CNNM3: variants seen among roughly 807,000 people sequenced by gnomAD.
CNNM3 encodes the protein metal transporter CNNM3.
A neutral mutation model predicts 57.1 loss-of-function variants in CNNM3; 47 were observed. The observed-to-expected ratio is 0.82, with a 90% confidence interval of 0.65 to 1.05. The LOEUF (loss-of-function observed/expected upper bound fraction) is 1.05. CNNM3 is among the 50% of genes least tolerant of loss of function. CNNM3 has a pLI of 0.00. For synonymous variants in CNNM3, 507 were observed against 478.2 expected, an observed-to-expected ratio of 1.06 and a Z score of -0.79; for missense variants, 957 against 973.7, an observed-to-expected ratio of 0.98 and a Z score of 0.23.
rs2079662985 is a variant in CNNM3 at position 96,834,721 on chromosome 2, T to A, written c.*2105T>A. On this transcript the variant is annotated 3_prime_UTR_variant, in exon 8 of 8. Transcript: ENST00000305510. Reference sequence around the variant, plus strand: ...AGCTTACATATAACCTTGGTACATTTATCAAAACTAAAGGTGCAATCATAC... The same window carrying A: ...AGCTTACATATAACCTTGGTACATTAATCAAAACTAAAGGTGCAATCATAC... 6.6e-6 allele frequency among the ~76,000 whole-genome samples: 1 copy of A among 152,216 alleles called. No individual in the cohort carries two copies. Among genetic ancestry groups the A allele is most frequent in the African/African-American group, 2.4e-5 (1 of 41,442 alleles).
Position 96,829,153 on chromosome 2 carries a change from A to T in CNNM3, c.2059+19A>T, listed in dbSNP as rs763886263. The T allele has an allele frequency of 1.2e-6, 2 of 1,612,980 alleles. No homozygotes were observed. Among genetic ancestry groups the T allele is most frequent in the African/African-American group, 2.7e-5 (2 of 74,852 alleles). On this transcript the variant is annotated intron_variant, in intron 7 of 7. Transcript: ENST00000305510. ...GCGGCAGGTGAGTGCCAAGTGGTACATCGTGCATGGTGTCTGGACCTGAGG... is the reference window on the plus strand; with the variant it reads ...GCGGCAGGTGAGTGCCAAGTGGTACTTCGTGCATGGTGTCTGGACCTGAGG...
In CNNM3 at chr2:96,835,198, C is replaced by T. The variant is rs571730347; in HGVS notation, c.*2582C>T. On this transcript the variant is annotated 3_prime_UTR_variant, in exon 8 of 8. Transcript: ENST00000305510. ...AATGGGAGCATAGTGTGTAAGCATT[C>T]GGGATTGTCTTTTTTCACTCGGCGT... 3.3e-5 allele frequency among the ~76,000 whole-genome samples: 5 copies of T among 152,234 alleles called. No individual in the cohort carries two copies. Among genetic ancestry groups the T allele is most frequent in the East Asian group, 1.9e-4 (1 of 5,184 alleles).
At chr2:96,827,589 G>A (rs2079530487) in intron 3 of CNNM3, 142 bp from the exon 4 acceptor site, 1 of 716,606 alleles carries the variant, frequency 1.4e-6, no homozygotes. Context: ...CTCTTGTGTT[G>A]AGGTGTTAGG....
chr2:96,825,772 G>GCTGGGCGTGGTGGTGCA (rs1330824750), intron 2 of CNNM3, among the ~76,000 whole-genome samples: 1 of 130,056 alleles, frequency 7.7e-6, no homozygotes, highest in African/African-American at 4.8e-5. Context: ...GTGGTGGTGC[G>GCTGGGCGTGGTGGTGCA]TGCCTGTAGT....
intron 3 of CNNM3, among the ~76,000 whole-genome samples, chr2:96,827,443 T>C (rs2079527026): frequency 6.6e-6 from 1 of 152,100 alleles, no homozygotes; most frequent in African/African-American, 2.4e-5. Flanking sequence ...AATTTTTGTA[T>C]TTTTAGTAGA....
chr2:96,833,118 A>G lies in CNNM3; in HGVS notation c.*502A>G, dbSNP rs2079633890. 6.1e-6 allele frequency: 5 copies of G among 824,632 alleles called. No individual in the cohort carries two copies. The highest frequency in any genetic ancestry group is 4.5e-5 in the South Asian group (3 of 66,208). The allele number at this position is 824,632 out of a possible 1,614,324, so 51.1% of individuals were successfully genotyped here. ...GGGGTTCAGATCGATGGCCTTGTCC[A>G]TGTTGTCCTTTCTGGCTTCCCTGAT... On this transcript the variant is annotated 3_prime_UTR_variant, in exon 8 of 8. Coordinates refer to ENST00000305510, the MANE Select transcript of CNNM3 (RefSeq NM_017623.5).
chr2:96,833,879 G>T lies in CNNM3; in HGVS notation c.*1263G>T, dbSNP rs1368609470. 1 of 152,208 alleles carries T rather than the reference G, an allele frequency of 6.6e-6. No individual in the cohort carries two copies. The highest frequency in any genetic ancestry group is 1.5e-5 in the Non-Finnish European group (1 of 68,054). The allele number at this position is 152,208 out of a possible 1,614,324, so 9.4% of individuals were successfully genotyped here. ...TAAACTCTGAGAGCAAGCCCGGGTT[G>T]GAAACAGATGCTTTAAAATCCTCTC... is the stretch of plus-strand genomic sequence containing the variant. On this transcript the variant is annotated 3_prime_UTR_variant, in exon 8 of 8. Coordinates refer to ENST00000305510, the MANE Select transcript of CNNM3 (RefSeq NM_017623.5).
chr2:96,828,538 C>T lies in CNNM3; in HGVS notation c.1787-29C>T, dbSNP rs754060852. Reference sequence around the variant, plus strand: ...GAGGCTCCCAGCTGCCAGCATGGCTCCTGCCATCACTGATTGTTCCTTTGA... The same window carrying T: ...GAGGCTCCCAGCTGCCAGCATGGCTTCTGCCATCACTGATTGTTCCTTTGA... On this transcript the variant is annotated intron_variant, in intron 5 of 7. Coordinates refer to ENST00000305510, the MANE Select transcript of CNNM3 (RefSeq NM_017623.5). 3.2e-5 allele frequency: 51 copies of T among 1,613,650 alleles called. 1 individual carries two copies. The South Asian group carries it at 4.9e-4, about 16-fold the overall frequency.
At position 96,828,180 on chromosome 2, in the gene CNNM3, A is replaced by C. The variant is rs1190849730; in HGVS notation, c.1771A>C (p.Thr591Pro). The C allele has an allele frequency of 6.2e-6, 10 of 1,614,018 alleles. No individual in the cohort carries two copies. Among genetic ancestry groups the C allele is most frequent in the Non-Finnish European group, 7.6e-6 (9 of 1,179,928 alleles). Residue 591 changes from threonine to proline, a missense_variant, in exon 5 of 8, where the codon ACT (threonine) becomes CCT (proline). This residue lies in a region of CNNM3 where 491 missense variants were observed against 570.6 expected (regional missense o/e 0.86). Transcript: ENST00000305510. ...CACGTACTATGGAGTGTCGGCCCTA[A>C]CTGTGCCATCCTCGGGTAAGCCACG... ...AFTYYGVSAL[T>P]VPSSVHQSPV... is the part of the protein sequence containing the mutation.
intron 1 of CNNM3, among the ~76,000 whole-genome samples, chr2:96,819,903 C>A (rs1574100509): frequency 6.6e-6 from 1 of 152,342 alleles, no homozygotes; most frequent in East Asian, 1.9e-4. Context: ...TCTTGTCTTT[C>A]AGATGCGATG....
At chr2:96,835,670 T>C (rs888540201), downstream of CNNM3, among the ~76,000 whole-genome samples, 1 of 152,138 alleles carries the variant, frequency 6.6e-6, no homozygotes, top group Non-Finnish European at 1.5e-5. Context: ...GGTTTCACCA[T>C]GTTAGCCAGG....
chr2:96,823,043 G>A (rs2079434443), intron 1 of CNNM3, among the ~76,000 whole-genome samples: 1 of 152,174 alleles, frequency 6.6e-6, no homozygotes, highest in Non-Finnish European at 1.5e-5. Context: ...TTGAGTCCCT[G>A]CAGCTGCCCT....
rs944643588 is a variant in CNNM3, at chr2:96,834,693, A to G, written c.*2077A>G. ...CTTTCACCCAGGTTCCCCTAATGTT[A>G]ACAGCTTACATATAACCTTGGTACA... On this transcript the variant is annotated 3_prime_UTR_variant, in exon 8 of 8. Coordinates refer to ENST00000305510, the MANE Select transcript of CNNM3 (RefSeq NM_017623.5). Among the ~76,000 whole-genome samples, 1 of 152,134 alleles carries G rather than the reference A, an allele frequency of 6.6e-6. No homozygotes were observed. Among genetic ancestry groups the G allele is most frequent in the Non-Finnish European group, 1.5e-5 (1 of 68,044 alleles).
At chr2:96,828,845 G>T (rs763532366) in intron 6 of CNNM3, 145 bp downstream of exon 6, 14 of 1,481,864 alleles carry the variant, frequency 9.4e-6, no homozygotes, top group Non-Finnish European at 1.3e-5. Flanking sequence ...TCCAAGCAAG[G>T]TCTTAAAAAC....
rs754772983 is a variant in CNNM3, at chr2:96,834,078, C to T, written c.*1462C>T. On this transcript the variant is annotated 3_prime_UTR_variant, in exon 8 of 8. Coordinates refer to ENST00000305510, the MANE Select transcript of CNNM3 (RefSeq NM_017623.5). ...GATTACAGGTGCCCACCACCACACC[C>T]GGCTAATTTTTGTATTTTTAGTAGA... 1.1e-4 allele frequency among the ~76,000 whole-genome samples: 17 copies of T among 152,080 alleles called. No homozygotes were observed. Among genetic ancestry groups the T allele is most frequent in the African/African-American group, 2.9e-4 (12 of 41,408 alleles).
At chr2:96,827,620 C>G in intron 3 of CNNM3, 111 bp from the exon 4 acceptor site, 1 of 1,147,410 alleles carries the variant, frequency 8.7e-7, no homozygotes, top group East Asian at 2.4e-5. Context: ...CACAGGCCAC[C>G]CGGGAGATCC....
intron 7 of CNNM3, chr2:96,832,051 T>C: frequency 1.0e-6 from 1 of 988,090 alleles, no homozygotes; most frequent in Non-Finnish European, 1.2e-6. Context: ...CGTTTTTTGT[T>C]TTCAGAGCAC....
chr2:96,816,313 C>G lies in CNNM3; in HGVS notation c.36C>G (p.Gly12=), dbSNP rs2079314955. The stretch of plus-strand genomic sequence containing the variant: ...CGGTAGCTGCGGCGGGTCGGTTAGG[C>G]TGGTTGTTCGCCGCGCTCTGCCTGG... ...AAAVAAAGRL[G]WLFAALCLGN... is the part of the protein sequence containing the mutation. The change falls in exon 1 of 8, where the codon GGC becomes GGG. Residue 12 remains glycine, a synonymous_variant. Transcript: ENST00000305510. 1.5e-6 allele frequency: 2 copies of G among 1,290,786 alleles called. No homozygotes were observed. The allele number at this position is 1,290,786 out of a possible 1,614,324, so 80.0% of individuals were successfully genotyped here. A position where few individuals can be genotyped will look rare whatever the true frequency, so the allele number is the denominator to read the frequency against.
downstream of CNNM3, among the ~76,000 whole-genome samples, chr2:96,836,072 C>A: frequency 7.4e-6 from 1 of 135,586 alleles, no homozygotes; most frequent in African/African-American, 3.4e-5. Flanking sequence ...TCTTTTTCAC[C>A]CCTCCCCCTC....
Sources: allele counts gnomAD v4.1 joint callset (sites outside exome capture counted in the v4.1 genomes callset), GRCh38; gene constraint gnomAD v4.1.1; regional missense constraint gnomAD v4.1.1; transcripts MANE v1.5; gene names NCBI Gene and HGNC (gene_info 2026-07-23, HGNC 2026-07-21).